The following RANBP9 variants were observed in gnomAD, a reference collection of about 807,000 sequenced individuals.
RANBP9 encodes ran-binding protein 9.
RANBP9 carries 15 observed loss-of-function variants against 84.3 expected under a neutral mutation model. The ratio of observed to expected loss-of-function variants is 0.18; its 90% CI spans 0.12 to 0.27. The LOEUF (loss-of-function observed/expected upper bound fraction) is 0.27. Ranked by LOEUF, RANBP9 falls within the 10% of genes least tolerant of loss-of-function variation. The probability of loss-of-function intolerance (pLI) is 1.00; values close to 1 mark genes in which losing one functional copy is unlikely to be tolerated. For synonymous variants in RANBP9, 392 were observed against 349.6 expected, an observed-to-expected ratio of 1.12 and a Z score of -1.35; for missense variants, 809 against 912.8, an observed-to-expected ratio of 0.89 and a Z score of 1.46.
chr6:13,649,371 T>C (rs555001903), intron 5 of RANBP9, among the ~76,000 whole-genome samples: 1 of 151,984 alleles, frequency 6.6e-6, no homozygotes, highest in African/African-American at 2.4e-5. Flanking sequence ...AACCAAGCTT[T>C]TTCCAAATGA....
chr6:13,679,024 C>T (rs1013684166), intron 2 of RANBP9, among the ~76,000 whole-genome samples: 2 of 151,862 alleles, frequency 1.3e-5, no homozygotes, highest in Non-Finnish European at 2.9e-5. Flanking sequence ...AACAGAAATC[C>T]TTTTTTCAAA....
At chr6:13,643,902 A>C (rs1765123290) in intron 6 of RANBP9, among the ~76,000 whole-genome samples, 1 of 152,192 alleles carries the variant, frequency 6.6e-6, no homozygotes, top group South Asian at 2.1e-4. Flanking sequence ...TTTTCTAAAA[A>C]ATACCCCCAA....
At chr6:13,705,584 G>A (rs1010893868) in intron 1 of RANBP9, among the ~76,000 whole-genome samples, 7 of 151,900 alleles carry the variant, frequency 4.6e-5, no homozygotes, top group African/African-American at 1.2e-4. Flanking sequence ...TTTTTAGGCC[G>A]GGCGCGGTGG....
At chr6:13,668,661 A>G (rs1765705701) in intron 2 of RANBP9, among the ~76,000 whole-genome samples, 1 of 152,154 alleles carries the variant, frequency 6.6e-6, no homozygotes, top group African/African-American at 2.4e-5. Flanking sequence ...CACAAAACTC[A>G]TCACCCTTTC....
rs184647635 is a variant in RANBP9, at chr6:13,656,576, T to A, written c.904+533A>T. Among the ~76,000 whole-genome samples the A allele has an allele frequency of 1.7e-3, 257 of 152,256 alleles. 2 individuals carry two copies. Among genetic ancestry groups the A allele is most frequent in the African/African-American group, 5.2e-3 (217 of 41,546 alleles). ...ATTTTCAGAAGTTTTTTATTCTCAG[T>A]TTTGTCACTGTTTGCTTGTTTAATT... On this transcript the variant is annotated intron_variant, in intron 4 of 13. Coordinates refer to ENST00000011619, the MANE Select transcript of RANBP9 (RefSeq NM_005493.3).
intron 12 of RANBP9, among the ~76,000 whole-genome samples, chr6:13,629,836 G>T (rs751081036): frequency 6.6e-5 from 10 of 152,048 alleles, no homozygotes; most frequent in Non-Finnish European, 1.3e-4. Flanking sequence ...AAGAGAAACA[G>T]TGTGCCACCT....
At chr6:13,701,220 A>G (rs1369172421) in intron 1 of RANBP9, among the ~76,000 whole-genome samples, 3 of 152,180 alleles carry the variant, frequency 2.0e-5, no homozygotes, top group Non-Finnish European at 4.4e-5. Flanking sequence ...TGACACTCTC[A>G]GTATCATAAT....
At chr6:13,672,871 G>A (rs974000961) in intron 2 of RANBP9, among the ~76,000 whole-genome samples, 2 of 151,378 alleles carry the variant, frequency 1.3e-5, no homozygotes, top group Non-Finnish European at 2.9e-5. Context: ...AACAATCAGT[G>A]AGCTTGAAAA....
chr6:13,646,873 G>A (rs1765184899), intron 5 of RANBP9, among the ~76,000 whole-genome samples: 1 of 152,116 alleles, frequency 6.6e-6, no homozygotes, highest in African/African-American at 2.4e-5. Flanking sequence ...GCAATTTGTA[G>A]AAGAAATAAA....
rs1290502866 is a variant in RANBP9 at position 13,711,279 on chromosome 6, G to A, written c.227C>T (p.Pro76Leu). The A allele has an allele frequency of 3.0e-5, 30 of 989,762 alleles. No individual in the cohort carries two copies. Among genetic ancestry groups the A allele is most frequent in the Middle Eastern group, 5.0e-4 (1 of 2,008 alleles). The allele number at this position is 989,762 out of a possible 1,614,324, so 61.3% of individuals were successfully genotyped here. Residue 76 changes from proline (P) to leucine (L), a missense_variant, in exon 1 of 14, where the codon CCC (proline) becomes CTC (leucine). This residue lies in a region of RANBP9 where 302 missense variants were observed against 240.1 expected (regional missense o/e 1.26). Coordinates refer to ENST00000011619, the MANE Select transcript of RANBP9 (RefSeq NM_005493.3). ...ALLLHPPPPP[P>L]PATAAPPPPP... is the part of the protein sequence containing the mutation. ...GGGCGGCGGGGCCGCGGTGGCCGGG[G>A]GCGGCGGCGGCGGAGGGTGGAGGAG...
rs1156482652 is a variant in RANBP9, at chr6:13,711,028, C to T, written c.478G>A (p.Glu160Lys). ...GACCGAGGCAGCGGCGTCTCTTGTT[C>T]GTCCACGGCCGGGTAGAGACGCTTC... ...RLKRLYPAVD[E>K]QETPLPRSWS... Residue 160 changes from glutamate to lysine, a missense_variant, in exon 1 of 14, where the codon GAA (glutamate) becomes AAA (lysine). This residue lies in a region of RANBP9 where 302 missense variants were observed against 240.1 expected (regional missense o/e 1.26). Coordinates refer to ENST00000011619, the MANE Select transcript of RANBP9 (RefSeq NM_005493.3). The T allele has an allele frequency of 6.2e-7, 1 of 1,600,718 alleles. No individual in the cohort carries two copies. Among genetic ancestry groups the T allele is most frequent in the Non-Finnish European group, 8.5e-7 (1 of 1,174,350 alleles).
At position 13,711,464 on chromosome 6, in the gene RANBP9, TTGCTGCTGC is replaced by T. The variant is rs753944658; in HGVS notation, c.33_41del (p.Gln16_Gln18del). ...GTGGCGGCGACAGCTGCTGCTGCTGTTGCTGCTGCTGCGGCGGCGGCGGCGGCGGCTGCC... is the reference window on the plus strand; with the variant it reads ...GTGGCGGCGACAGCTGCTGCTGCTGTTGCGGCGGCGGCGGCGGCGGCTGCC... On this transcript the variant is annotated inframe_deletion, in exon 1 of 14. Transcript: ENST00000011619. 26 of 1,235,768 alleles carry T rather than the reference TTGCTGCTGC, an allele frequency of 2.1e-5. No individual in the cohort carries two copies. Among genetic ancestry groups the T allele is most frequent in the African/African-American group, 3.2e-5 (2 of 63,348 alleles). 76.6% of individuals were successfully genotyped at this position (1,235,768 alleles called of 1,614,324 possible).
chr6:13,669,309 A>T (rs1396074943), intron 2 of RANBP9, among the ~76,000 whole-genome samples: 2 of 152,178 alleles, frequency 1.3e-5, no homozygotes, highest in Non-Finnish European at 2.9e-5. Context: ...TCCCCAAATT[A>T]ATCTAGAGAT....
chr6:13,686,110 C>T (rs1490606604), intron 2 of RANBP9, among the ~76,000 whole-genome samples: 1 of 4,152 alleles, frequency 2.4e-4, no homozygotes, highest in African/African-American at 1.1e-3. Context: ...TCCCCCCCCC[C>T]CCCCCGCCCC....
chr6:13,701,796 A>C (rs1757978790), intron 1 of RANBP9, among the ~76,000 whole-genome samples: 2 of 151,920 alleles, frequency 1.3e-5, no homozygotes, highest in Non-Finnish European at 2.9e-5. Flanking sequence ...AAAAAACAAA[A>C]AACGAGAGGC....
chr6:13,671,182 G>T (rs1240792070), intron 2 of RANBP9, among the ~76,000 whole-genome samples: 1 of 152,162 alleles, frequency 6.6e-6, no homozygotes, highest in Non-Finnish European at 1.5e-5. Context: ...AGAATGTGGA[G>T]AAACTGCAAC....
chr6:13,626,239 G>GC (rs1379246487), intron 12 of RANBP9, among the ~76,000 whole-genome samples: 1 of 152,200 alleles, frequency 6.6e-6, no homozygotes, highest in East Asian at 1.9e-4. Context: ...TAAACAGGCT[G>GC]CCCTTCAGGA....
intron 2 of RANBP9, among the ~76,000 whole-genome samples, chr6:13,667,081 A>C (rs1455380432): frequency 6.6e-6 from 1 of 152,236 alleles, no homozygotes; most frequent in Non-Finnish European, 1.5e-5. Flanking sequence ...TTATTGTGGT[A>C]CTATGTGTTT....
chr6:13,699,479 T>C (rs1297077279), intron 1 of RANBP9, among the ~76,000 whole-genome samples: 1 of 152,224 alleles, frequency 6.6e-6, no homozygotes, highest in African/African-American at 2.4e-5. Flanking sequence ...AGAAGTGTTT[T>C]AGATTTTTTT....
Sources: gnomAD v4.1 joint callset for allele counts (sites outside exome capture counted in the v4.1 genomes callset) on GRCh38, gnomAD v4.1.1 for gene constraint, gnomAD v4.1.1 regional missense constraint, MANE v1.5 for transcripts, NCBI Gene and HGNC (gene_info 2026-07-23, HGNC 2026-07-21) for gene names.